Variants in TMEM164 observed in about 807,000 individuals in gnomAD.
TMEM164 encodes the protein transmembrane protein 164, also known as RP13-360B22.2.
Under a neutral mutation model 18.8 loss-of-function variants are expected in TMEM164, and 4 were observed. The observed-to-expected ratio is 0.21, with a 90% CI of 0.10 to 0.49. TMEM164 has a LOEUF of 0.49. TMEM164 is among the 20% of genes least tolerant of loss of function. The pLI is 0.98. For synonymous variants in TMEM164, 86 were observed against 101.7 expected, an observed-to-expected ratio of 0.85 and a Z score of 0.93; for missense variants, 108 against 239.9, an observed-to-expected ratio of 0.45 and a Z score of 3.63.
intron 2 of TMEM164, 143 bp from the exon 3 acceptor site, chrX:110,067,204 A>G: frequency 1.8e-6 from 1 of 542,124 alleles, no homozygotes. Flanking sequence ...AAGCACAAAC[A>G]TGTACCTGTT....
In TMEM164 at chrX:110,177,104, C is replaced by T. The variant is rs1005300176; in HGVS notation, c.*3653C>T. 2.7e-5 allele frequency: 3 copies of T among 111,940 alleles called. No individual in the cohort carries two copies. The highest frequency in any genetic ancestry group is 9.8e-5 in the African/African-American group (3 of 30,717). The allele number at this position is 111,940 out of a possible 1,213,427, so 9.2% of individuals were successfully genotyped here. On this transcript the variant is annotated 3_prime_UTR_variant, in exon 7 of 7. Transcript: ENST00000372068. The stretch of plus-strand genomic sequence containing the variant: ...GGAAAACCTAGTCGCTTGTTGCTCT[C>T]GTCTGTGACATTTTTGTACACTGGT...
intron 2 of TMEM164, among the ~76,000 whole-genome samples, chrX:110,055,787 G>A (rs1935798804): frequency 9.0e-6 from 1 of 110,717 alleles, no homozygotes; most frequent in South Asian, 3.9e-4. Context: ...CAGGGGGAAG[G>A]AATAGCGAGA....
At chrX:110,043,300 A>G (rs1301178008) in intron 2 of TMEM164, among the ~76,000 whole-genome samples, 1 of 112,805 alleles carries the variant, frequency 8.9e-6, no homozygotes, top group Non-Finnish European at 1.9e-5. Flanking sequence ...CCTTCAATAA[A>G]AGCAAGAATA....
At chrX:110,100,444 G>A (rs149457406) in intron 3 of TMEM164, among the ~76,000 whole-genome samples, 2 of 111,763 alleles carry the variant, frequency 1.8e-5, no homozygotes, top group African/African-American at 6.5e-5. Flanking sequence ...TGTATCAGTT[G>A]ATATGATCAC....
At chrX:110,129,367 C>G (rs2066580508) in intron 4 of TMEM164, among the ~76,000 whole-genome samples, 1 of 112,357 alleles carries the variant, frequency 8.9e-6, no homozygotes, top group Non-Finnish European at 1.9e-5. Flanking sequence ...TCCTATCAGA[C>G]TCTTTTTGGG....
intron 2 of TMEM164, among the ~76,000 whole-genome samples, chrX:110,054,058 C>T (rs1038687464): frequency 8.9e-6 from 1 of 111,884 alleles, no homozygotes; most frequent in African/African-American, 3.3e-5. Flanking sequence ...GTATTGGCAA[C>T]AAACATGACC....
chrX:110,106,007 T>C lies in TMEM164; in HGVS notation c.441-3073T>C, dbSNP rs773531386. Among the ~76,000 whole-genome samples, 47 of 111,566 alleles carry C rather than the reference T, an allele frequency of 4.2e-4. 2 individuals are homozygous for C. In the East Asian group the frequency reaches 5.6e-3, roughly 13 times the overall value. ...TATAATAAAAACTCTGATGACTGAA[T>C]GAGATGATATATTTGAATCCTTAGC... On this transcript the variant is annotated intron_variant, in intron 3 of 6. Transcript: ENST00000372068.
intron 2 of TMEM164, among the ~76,000 whole-genome samples, chrX:110,016,453 T>C (rs1315137332): frequency 1.8e-5 from 2 of 111,570 alleles, no homozygotes; most frequent in Non-Finnish European, 3.8e-5. Context: ...CAGGGCCGGA[T>C]GGGCAAAAAA....
At chrX:110,047,745 A>C (rs1935377160) in intron 2 of TMEM164, among the ~76,000 whole-genome samples, 1 of 111,700 alleles carries the variant, frequency 9.0e-6, no homozygotes, top group South Asian at 3.7e-4. Flanking sequence ...GTTTCTTTGG[A>C]AGTCTATTTA....
chrX:110,029,880 A>T (rs897927230), intron 2 of TMEM164, among the ~76,000 whole-genome samples: 1 of 110,853 alleles, frequency 9.0e-6, no homozygotes, highest in African/African-American at 3.3e-5. Flanking sequence ...GGAGCAGGTG[A>T]CCCAGTTAGG....
At position 110,102,171 on chromosome X, in the gene TMEM164, CA is replaced by C. The variant is rs1218415300; in HGVS notation, c.441-6895del. On this transcript the variant is annotated intron_variant, in intron 3 of 6. Coordinates refer to ENST00000372068, the MANE Select transcript of TMEM164 (RefSeq NM_032227.4). ...TGAAACCCCGTCTCTACAAAAAATA[CA>C]AAAAAAAAAAAAACCAACACACCAA... is the stretch of plus-strand genomic sequence containing the variant. Among the ~76,000 whole-genome samples, 574 of 75,780 alleles carry C rather than the reference CA, an allele frequency of 7.6e-3. 6 individuals carry two copies. The highest frequency in any genetic ancestry group is 0.022 in the African/African-American group (453 of 21,041). 65.8% of individuals were successfully genotyped at this position (75,780 alleles called of 115,157 possible).
chrX:110,088,862 T>A (rs2065889012), intron 3 of TMEM164, among the ~76,000 whole-genome samples: 1 of 112,353 alleles, frequency 8.9e-6, no homozygotes, highest in Admixed American at 9.5e-5. Flanking sequence ...TATGTCACCA[T>A]TGGGTAAAAG....
At chrX:110,041,135 A>G (rs1308973198) in intron 2 of TMEM164, among the ~76,000 whole-genome samples, 2 of 112,104 alleles carry the variant, frequency 1.8e-5, no homozygotes, top group African/African-American at 6.5e-5. Flanking sequence ...CAGAAGTTTC[A>G]AAAATGTTTG....
chrX:110,075,129 T>A (rs1043696125), intron 3 of TMEM164, among the ~76,000 whole-genome samples: 2 of 111,991 alleles, frequency 1.8e-5, no homozygotes, highest in African/African-American at 3.2e-5. Context: ...TAGCTATGAT[T>A]TCTTTTAGCA....
In TMEM164 at chrX:110,109,266, C is replaced by T. The variant is rs937953803; in HGVS notation, c.507+120C>T. 4.2e-5 allele frequency: 28 copies of T among 665,667 alleles called. No individual in the cohort carries two copies. In the Admixed American group the frequency reaches 7.2e-4, roughly 17 times the overall value. 54.9% of individuals were successfully genotyped at this position (665,667 alleles called of 1,213,427 possible). On this transcript the variant is annotated intron_variant, in intron 4 of 6. Coordinates refer to ENST00000372068, the MANE Select transcript of TMEM164 (RefSeq NM_032227.4). ...GGCGCGGTGGCTCACACCTGTAATC[C>T]CAGCACTTTGGGAGGCCAAGGCGGG... is the stretch of plus-strand genomic sequence containing the variant.
At position 110,049,994 on chromosome X, in the gene TMEM164, G is replaced by A. The variant is rs1430629745; in HGVS notation, c.391-17353G>A. ...ATTGGGCTGCCCAAAGTCCTTAGAGGCTGGTTGGCCAATGTAATGAATAAT... is the reference window on the plus strand; with the variant it reads ...ATTGGGCTGCCCAAAGTCCTTAGAGACTGGTTGGCCAATGTAATGAATAAT... On this transcript the variant is annotated intron_variant, in intron 2 of 6. Coordinates refer to ENST00000372068, the MANE Select transcript of TMEM164 (RefSeq NM_032227.4). 3.6e-5 allele frequency among the ~76,000 whole-genome samples: 4 copies of A among 111,916 alleles called. No homozygotes were observed. In the East Asian group the frequency reaches 1.1e-3, roughly 31 times the overall value.
Position 110,149,142 on chromosome X carries a change from G to A in TMEM164, c.586+4266G>A, listed in dbSNP as rs746881331. ...AAGAGAAGCCCCATAATATCCATGA[G>A]ATTGTGGCTTTGATTTACTGGTTAT... is the stretch of plus-strand genomic sequence containing the variant. On this transcript the variant is annotated intron_variant, in intron 5 of 6. Transcript: ENST00000372068. 2.7e-5 allele frequency among the ~76,000 whole-genome samples: 3 copies of A among 109,988 alleles called. No homozygotes were observed. In the East Asian group the frequency reaches 8.6e-4, roughly 31 times the overall value.
chrX:110,139,849 G>A (rs2066743116), intron 4 of TMEM164, among the ~76,000 whole-genome samples: 1 of 110,627 alleles, frequency 9.0e-6, no homozygotes, highest in Admixed American at 9.6e-5. Context: ...GGTGAAGTGG[G>A]AAAATTGTGA....
intron 4 of TMEM164, among the ~76,000 whole-genome samples, chrX:110,134,811 G>A (rs2066665624): frequency 9.1e-6 from 1 of 110,093 alleles, no homozygotes; most frequent in African/African-American, 3.3e-5. Flanking sequence ...AACAGGCTGT[G>A]ATTCTCCAAA....
Sources: allele counts gnomAD v4.1 joint callset (sites outside exome capture counted in the v4.1 genomes callset), GRCh38; gene constraint gnomAD v4.1.1; transcripts MANE v1.5; gene names NCBI Gene and HGNC (gene_info 2026-07-23, HGNC 2026-07-21).